DAB1: variants seen among roughly 807,000 people sequenced by gnomAD.
DAB1 encodes DAB adaptor protein 1.
A neutral mutation model predicts 64.6 loss-of-function variants in DAB1; 15 were observed. That is an observed-to-expected ratio of 0.23 (90% CI 0.16 to 0.36). DAB1 has a LOEUF of 0.36. Ranked by LOEUF, DAB1 falls within the 10% of genes least tolerant of loss-of-function variation. The pLI is 1.00. For missense variants in DAB1, 596 were observed against 706.7 expected, an observed-to-expected ratio of 0.84 and a Z score of 1.78; for synonymous variants, 235 against 251.9, an observed-to-expected ratio of 0.93 and a Z score of 0.64.
At chr1:57,838,519 G>T (rs896789078) in intron 1 of DAB1, among the ~76,000 whole-genome samples, 4 of 152,086 alleles carry the variant, frequency 2.6e-5, no homozygotes, top group Admixed American at 2.6e-4. Context: ...CTTCCAAAGT[G>T]TTGCAAAGAA....
chr1:57,574,679 G>A (rs1645229917), intron 7 of DAB1, among the ~76,000 whole-genome samples: 1 of 152,104 alleles, frequency 6.6e-6, no homozygotes, highest in Non-Finnish European at 1.5e-5. Flanking sequence ...GCAGCTTTCT[G>A]GGCAGGCAGA....
chr1:57,650,502 T>C (rs1040710128), intron 6 of DAB1, among the ~76,000 whole-genome samples: 1 of 152,192 alleles, frequency 6.6e-6, no homozygotes, highest in African/African-American at 2.4e-5. Context: ...GAATAATATG[T>C]AAATATAAAA....
chr1:57,947,538 A>G (rs569555820), intron 5 of DAB1, among the ~76,000 whole-genome samples: 1 of 152,202 alleles, frequency 6.6e-6, no homozygotes, highest in African/African-American at 2.4e-5. Flanking sequence ...ATGACAACCA[A>G]AAGTATTCTA....
chr1:58,056,339 C>A (rs539453189), intron 5 of DAB1: 2 of 1,576,388 alleles, frequency 1.3e-6, no homozygotes, highest in Non-Finnish European at 1.7e-6. Context: ...CTGACTGCTG[C>A]GGCCTTCACT....
intron 3 of DAB1, among the ~76,000 whole-genome samples, chr1:58,445,686 G>A (rs1645057735): frequency 6.6e-6 from 1 of 152,192 alleles, no homozygotes; most frequent in African/African-American, 2.4e-5. Flanking sequence ...AGAAATAGGG[G>A]CTTTCCTTCA....
At chr1:58,166,894 C>T (rs1025418501) in intron 4 of DAB1, among the ~76,000 whole-genome samples, 17 of 150,988 alleles carry the variant, frequency 1.1e-4, no homozygotes, top group African/African-American at 4.1e-4. Context: ...TACAGTTGTG[C>T]ACCACCATGG....
intron 5 of DAB1, among the ~76,000 whole-genome samples, chr1:58,090,518 A>G (rs771871792): frequency 3.9e-5 from 6 of 152,130 alleles, no homozygotes; most frequent in African/African-American, 4.8e-5. Context: ...TGGGGTTTAC[A>G]TTTAGTCGTT....
intron 4 of DAB1, among the ~76,000 whole-genome samples, chr1:58,247,383 G>A (rs1660594637): frequency 6.6e-6 from 1 of 151,694 alleles, no homozygotes; most frequent in African/African-American, 2.4e-5. Context: ...GAGAAACCCA[G>A]CCTGTCCAAA....
intron 3 of DAB1, among the ~76,000 whole-genome samples, chr1:57,141,856 G>A (rs1048453613): frequency 1.3e-5 from 2 of 152,094 alleles, no homozygotes; most frequent in African/African-American, 2.4e-5. Flanking sequence ...TAAATTAAAC[G>A]CAAATACAAA....
At chr1:58,046,687 G>A (rs1055488395) in intron 5 of DAB1, among the ~76,000 whole-genome samples, 1 of 152,192 alleles carries the variant, frequency 6.6e-6, no homozygotes, top group African/African-American at 2.4e-5. Context: ...TATGCCATGA[G>A]CTTCCAGAGA....
intron 7 of DAB1, among the ~76,000 whole-genome samples, chr1:57,447,521 T>C (rs1686187349): frequency 1.3e-5 from 2 of 152,172 alleles, no homozygotes; most frequent in Admixed American, 1.3e-4. Flanking sequence ...ACTTCATTAG[T>C]TTTTAGAGGA....
rs1050079610 is a variant in DAB1, at chr1:57,033,194, G to A, written c.724-7151C>T. Among the ~76,000 whole-genome samples the A allele has an allele frequency of 1.7e-4, 21 of 120,712 alleles. 1 individual carries two copies. Among genetic ancestry groups the A allele is most frequent in the African/African-American group, 5.3e-4 (18 of 33,760 alleles). The allele number at this position is 120,712 out of a possible 152,430, so 79.2% of individuals were successfully genotyped here. ...TTTACACACACACACACACACACAC[G>A]TGTACATACACTCTCACTATCTGAC... On this transcript the variant is annotated intron_variant, in intron 9 of 14. Coordinates refer to ENST00000371236, the MANE Select transcript of DAB1 (RefSeq NM_001365792.1).
At position 57,998,431 on chromosome 1, in the gene DAB1, C is replaced by T. The variant is rs377542378; in HGVS notation, n.388-114269G>A. 6.5e-5 allele frequency among the ~76,000 whole-genome samples: 9 copies of T among 138,094 alleles called. No individual in the cohort carries two copies. In the East Asian group the frequency reaches 1.7e-3, roughly 26 times the overall value. 90.6% of individuals were successfully genotyped at this position (138,094 alleles called of 152,430 possible). ...TTTGAGACAGATTCTTGCAATGGTG[C>T]GATCTCAGCTCAACCTCTGCTTCCT... On this transcript the variant is annotated intron_variant and non_coding_transcript_variant, in intron 5 of 20. Coordinates refer to the DAB1 transcript ENST00000485760.
intron 7 of DAB1, among the ~76,000 whole-genome samples, chr1:57,452,614 G>A (rs139114731): frequency 4.6e-5 from 7 of 152,202 alleles, no homozygotes; most frequent in East Asian, 3.9e-4. Context: ...GGTGGGGGGC[G>A]CGGGGTGGTC....
intron 2 of DAB1, among the ~76,000 whole-genome samples, chr1:57,154,120 C>T (rs536565315): frequency 2.0e-5 from 3 of 152,210 alleles, no homozygotes; most frequent in East Asian, 1.9e-4. Context: ...CTATAGTCAC[C>T]TTGTTGTGCT....
At chr1:58,084,806 CAT>C (rs954820383) in intron 5 of DAB1, among the ~76,000 whole-genome samples, 19 of 149,710 alleles carry the variant, frequency 1.3e-4, no homozygotes, top group African/African-American at 4.2e-4. Flanking sequence ...TATATACACA[CAT>C]ATGTGTATAT....
At chr1:57,522,989 C>T (rs11207055) in intron 7 of DAB1, among the ~76,000 whole-genome samples, 1,596 of 152,302 alleles carry the variant, frequency 0.01, 20 homozygotes, top group African/African-American at 0.037. Context: ...AGACTAAAGG[C>T]TGCACTGTCA....
At chr1:57,688,324 T>C (rs1234866029) in intron 6 of DAB1, among the ~76,000 whole-genome samples, 1 of 152,168 alleles carries the variant, frequency 6.6e-6, no homozygotes, top group Non-Finnish European at 1.5e-5. Context: ...ATGCTCATCA[T>C]CACTAATCAT....
At chr1:57,612,783 C>T (rs1238118623) in intron 7 of DAB1, among the ~76,000 whole-genome samples, 3 of 152,082 alleles carry the variant, frequency 2.0e-5, no homozygotes, top group Non-Finnish European at 4.4e-5. Flanking sequence ...GAAATGAATC[C>T]ATCCCCACCC....
Sources: gnomAD v4.1 joint callset for allele counts (sites outside exome capture counted in the v4.1 genomes callset) on GRCh38, gnomAD v4.1.1 for gene constraint, MANE v1.5 for transcripts, NCBI Gene and HGNC (gene_info 2026-07-23, HGNC 2026-07-21) for gene names.